The following KDM5D variants were observed in gnomAD, a reference collection of about 807,000 sequenced individuals.
KDM5D encodes lysine demethylase 5D, also known as lysine-specific demethylase 5D.
Under a neutral mutation model 31.9 loss-of-function variants are expected in KDM5D, and 25 were observed. That is an observed-to-expected ratio of 0.78 (90% confidence interval 0.57 to 1.09). The LOEUF is 1.09. Among genes scored for constraint, KDM5D ranks in the 50% least tolerant of loss-of-function variants. The probability of loss-of-function intolerance (pLI) is 0.00; values close to 1 mark genes in which losing one functional copy is unlikely to be tolerated. For missense variants in KDM5D, 366 were observed against 341.6 expected (o/e 1.07, Z -0.56); for synonymous variants, 146 against 122.3 (o/e 1.19, Z -1.28).
rs774135485 is a variant in KDM5D, at chrY:19,715,987, C to T, written c.2049G>A (p.Glu683=). 6.8e-5 allele frequency: 27 copies of T among 396,448 alleles called. No homozygotes were observed. The highest frequency in any genetic ancestry group is 1.2e-3 in the Middle Eastern group (2 of 1,703). Residue 683 remains glutamate, a synonymous_variant, in exon 16 of 27, where the codon GAG becomes GAA. Transcript: ENST00000317961. ...ALLEKGVTEA[E]REAFELLPDD... ...CTGGGAGCAGCTCAAAAGCCTCTCG[C>T]TCAGCCTCCGTGACGCCCTGGGGGT... is the stretch of plus-strand genomic sequence containing the variant.
chrY:19,716,211 T>C, intron 15 of KDM5D, 68 bp downstream of exon 15: 1 of 295,336 alleles, frequency 3.4e-6, no homozygotes, highest in Non-Finnish European at 5.3e-6. Context: ...GGTTACTCAA[T>C]GTTGGTCTGT....
intron 18 of KDM5D, 184 bp from the exon 19 acceptor site, chrY:19,710,656 A>C: frequency 7.0e-6 from 1 of 142,764 alleles, no homozygotes; most frequent in Non-Finnish European, 1.3e-5. Flanking sequence ...AATAGAGACT[A>C]CAGATATCAA....
intron 21 of KDM5D, 80 bp downstream of exon 21, chrY:19,708,795 C>T: frequency 3.2e-6 from 1 of 315,710 alleles, no homozygotes; most frequent in African/African-American, 6.8e-5. Flanking sequence ...CACAACCCAA[C>T]CGAGTAAAAA....
At chrY:19,734,897 A>C in intron 8 of KDM5D, among the ~76,000 whole-genome samples, 5 of 32,499 alleles carry the variant, frequency 1.5e-4, no homozygotes, top group Non-Finnish European at 3.0e-4. Flanking sequence ...AAAATCTTCC[A>C]AGTGAGATGT....
Position 19,741,347 on chromosome Y carries a change from C to T in KDM5D, c.493G>A (p.Glu165Lys). 1 of 398,075 alleles carries T rather than the reference C, an allele frequency of 2.5e-6. No individual in the cohort carries two copies. Among genetic ancestry groups the T allele is most frequent in the Non-Finnish European group, 3.5e-6 (1 of 282,893 alleles). ...SHYERIIYPY[E>K]MFQSGANHVQ... Reference sequence around the variant, plus strand: ...TGGTTGGCTCCAGACTGAAACATTTCATAGGGGTAAATAATGCGTTCGTAA... The same window carrying T: ...TGGTTGGCTCCAGACTGAAACATTTTATAGGGGTAAATAATGCGTTCGTAA... Residue 165 changes from glutamate to lysine, a missense_variant, in exon 5 of 27, where the codon GAA (glutamate) becomes AAA (lysine). Transcript: ENST00000317961.
At chrY:19,730,756 C>G in intron 11 of KDM5D, among the ~76,000 whole-genome samples, 2 of 33,376 alleles carry the variant, frequency 6.0e-5, no homozygotes, top group African/African-American at 2.3e-4. Context: ...TGGTATATAA[C>G]TATTGCTCCT....
chrY:19,736,904 TG>T (rs2045515603), intron 6 of KDM5D, among the ~76,000 whole-genome samples: 1 of 33,473 alleles, frequency 3.0e-5, no homozygotes, highest in African/African-American at 1.2e-4. Flanking sequence ...CACAGATCCC[TG>T]GAATTATTCT....
At chrY:19,708,095 A>G in intron 22 of KDM5D, 24 bp from the exon 23 acceptor site, 1 of 381,949 alleles carries the variant, frequency 2.6e-6, no homozygotes, top group Non-Finnish European at 3.7e-6. Flanking sequence ...GCAGACATAC[A>G]GGAAATGACC....
chrY:19,720,997 C>T lies in KDM5D; in HGVS notation c.1591G>A (p.Ala531Thr). 2.5e-6 allele frequency: 1 copy of T among 395,449 alleles called. No homozygotes were observed. Among genetic ancestry groups the T allele is most frequent in the African/African-American group, 6.5e-5 (1 of 15,278 alleles). ...PKTWYGVPSL[A>T]AEHLEEVMKM... ...ATCACCTCCTCCAAATGCTCTGCTG[C>T]CAGGGAGGGTACACCATACCAGGTC... Residue 531 changes from alanine (A) to threonine (T), a missense_variant, in exon 13 of 27, where the codon GCA becomes ACA. Ala to Thr is a moderately conservative substitution (Grantham distance 58). Transcript: ENST00000317961.
chrY:19,704,786 G>A lies in KDM5D; in HGVS notation c.*1209C>T. On this transcript the variant is annotated 3_prime_UTR_variant, in exon 27 of 27. Transcript: ENST00000317961. ...AACAAGAACCGTGAATTGAATTAGTGGTATACTAATAGAGTGGTTTTACCT... is the reference window on the plus strand; with the variant it reads ...AACAAGAACCGTGAATTGAATTAGTAGTATACTAATAGAGTGGTTTTACCT... 3.0e-5 allele frequency: 1 copy of A among 32,928 alleles called. No individual in the cohort carries two copies. The highest frequency in any genetic ancestry group is 7.5e-5 in the Non-Finnish European group (1 of 13,327). The allele number at this position is 32,928 out of a possible 400,897, so 8.2% of individuals were successfully genotyped here. A position where few individuals can be genotyped will look rare whatever the true frequency, so the allele number is the denominator to read the frequency against.
intron 6 of KDM5D, among the ~76,000 whole-genome samples, chrY:19,737,816 G>C: frequency 3.1e-5 from 1 of 31,900 alleles, no homozygotes; most frequent in Non-Finnish European, 7.6e-5. Context: ...TTTGTACACT[G>C]TACAGTTTTA....
At position 19,735,475 on chromosome Y, in the gene KDM5D, C is replaced by T. The variant is rs777739547; in HGVS notation, c.810G>A (p.Thr270=). 4 of 398,352 alleles carry T rather than the reference C, an allele frequency of 1.0e-5. No individual in the cohort carries two copies. Among genetic ancestry groups the T allele is most frequent in the East Asian group, 9.2e-5 (1 of 10,834 alleles). Residue 270 remains threonine, a synonymous_variant, in exon 8 of 27, where the codon ACG becomes ACA. Coordinates refer to ENST00000317961, the MANE Select transcript of KDM5D (RefSeq NM_004653.5). ...HKKVTCPPTV[T]VKDEQSGGGN... ...CACCTCCACTTTGCTCATCCTTCAC[C>T]GTAACAGTTGGGGGGCATGTGACTA...
intron 5 of KDM5D, among the ~76,000 whole-genome samples, chrY:19,740,345 G>A (rs968497976): frequency 3.1e-5 from 1 of 32,596 alleles, no homozygotes. Flanking sequence ...GAGTCAGGTA[G>A]ATCACGAGGT....
intron 2 of KDM5D, among the ~76,000 whole-genome samples, chrY:19,743,591 A>G: frequency 3.0e-5 from 1 of 33,006 alleles, no homozygotes; most frequent in Admixed American, 2.8e-4. Flanking sequence ...AATGAAGATA[A>G]ATGTAATGCA....
chrY:19,714,715 T>C, intron 18 of KDM5D, among the ~76,000 whole-genome samples: 1 of 33,717 alleles, frequency 3.0e-5, no homozygotes, highest in Admixed American at 2.7e-4. Flanking sequence ...TTTATGTAAG[T>C]AGACGGTGCG....
chrY:19,722,093 A>C, intron 11 of KDM5D: 2 of 33,864 alleles, frequency 5.9e-5, no homozygotes, highest in African/African-American at 2.3e-4. Flanking sequence ...CAAACCAACA[A>C]ACAAAAAAGC....
At chrY:19,738,518 TGAAA>T (rs2045525277) in intron 6 of KDM5D, among the ~76,000 whole-genome samples, 1 of 34,053 alleles carries the variant, frequency 2.9e-5, no homozygotes, top group Non-Finnish European at 7.3e-5. Flanking sequence ...CCAAATCTTA[TGAAA>T]ATGTTGCATA....
chrY:19,744,662 G>C lies in KDM5D; in HGVS notation c.-20+9C>G. On this transcript the variant is annotated intron_variant, in intron 1 of 26. Coordinates refer to ENST00000317961, the MANE Select transcript of KDM5D (RefSeq NM_004653.5). ...ATTTCAAGGTTACTTTAATCCCGTA[G>C]CTGCTTACCAATCGTCAGGGATCCT... 1 of 160,840 alleles carries C rather than the reference G, an allele frequency of 6.2e-6. No homozygotes were observed. The highest frequency in any genetic ancestry group is 1.1e-5 in the Non-Finnish European group (1 of 90,279). The allele number at this position is 160,840 out of a possible 400,897, so 40.1% of individuals were successfully genotyped here.
intron 11 of KDM5D, among the ~76,000 whole-genome samples, chrY:19,726,530 TCTGTCAGGGCTGGGGGGC>T (rs2045434393): frequency 3.2e-5 from 1 of 31,577 alleles, no homozygotes; most frequent in Non-Finnish European, 7.7e-5. Context: ...GGAACATCTG[TCTGTCAGGGCTGGGGGGC>T]CTGTCAGGGC....
Sources: gnomAD v4.1 joint callset for allele counts (sites outside exome capture counted in the v4.1 genomes callset) on GRCh38, gnomAD v4.1.1 for gene constraint, MANE v1.5 for transcripts, NCBI Gene and HGNC (gene_info 2026-07-23, HGNC 2026-07-21) for gene names.